The following ALK variants were observed in gnomAD, a reference collection of about 807,000 sequenced individuals.
The protein encoded by ALK is ALK tyrosine kinase receptor.
In ALK, 74 loss-of-function variants were observed where a neutral mutation model predicts 163.1. The ratio of observed to expected loss-of-function variants is 0.45; its 90% CI spans 0.38 to 0.55. The LOEUF is 0.55. Ranked by LOEUF, ALK falls within the 20% of genes least tolerant of loss-of-function variation. The probability of loss-of-function intolerance (pLI) is 0.00; values close to 1 mark genes in which losing one functional copy is unlikely to be tolerated. For synonymous variants in ALK, 960 were observed against 843.2 expected (o/e 1.14, Z -2.40); for missense variants, 2,063 against 2,105.3 (o/e 0.98, Z 0.39).
At chr2:29,657,786 G>A (rs112916152) in intron 3 of ALK, among the ~76,000 whole-genome samples, 22 of 152,246 alleles carry the variant, frequency 1.4e-4, no homozygotes, top group African/African-American at 3.9e-4. Context: ...CTCCAGCTAC[G>A]ATGGGGCTGT....
chr2:29,830,712 TTAAAAAAAAAAAAAAAAAAAAAAAA>T lies in ALK; in HGVS notation c.667+89256_667+89280del, dbSNP rs1473546295. Among the ~76,000 whole-genome samples, 69 of 63,520 alleles carry T rather than the reference TTAAAAAAAAAAAAAAAAAAAAAAAA, an allele frequency of 1.1e-3. 3 individuals are homozygous for T. The highest frequency in any genetic ancestry group is 4.5e-4 in the Admixed American group (2 of 4,414). The allele number at this position is 63,520 out of a possible 152,430, so 41.7% of individuals were successfully genotyped here. On this transcript the variant is annotated intron_variant, in intron 1 of 28. Coordinates refer to ENST00000389048, the MANE Select transcript of ALK (RefSeq NM_004304.5). ...AGCAAGACCCTGTCTCTAAAATAGT[TTAAAAAAAAAAAAAAAAAAAAAAAA>T]AAAAAAAAAAAAAAAACTTAGCCAA...
intron 4 of ALK, among the ~76,000 whole-genome samples, chr2:29,507,831 T>A (rs1672377478): frequency 6.6e-6 from 1 of 152,076 alleles, no homozygotes; most frequent in Admixed American, 6.5e-5. Flanking sequence ...ATGATGTCAA[T>A]GAGTTGATGT....
intron 1 of ALK, among the ~76,000 whole-genome samples, chr2:29,722,141 T>C (rs868460822): frequency 2.0e-5 from 3 of 152,246 alleles, no homozygotes; most frequent in Non-Finnish European, 2.9e-5. Flanking sequence ...TCCTCTTTAT[T>C]CTTCTTTGCC....
At chr2:29,284,832 C>T (rs1665808726) in intron 9 of ALK, among the ~76,000 whole-genome samples, 1 of 152,184 alleles carries the variant, frequency 6.6e-6, no homozygotes, top group African/African-American at 2.4e-5. Flanking sequence ...TGCCTGGTTG[C>T]ACATCGTGTG....
At chr2:29,743,507 GA>G (rs2148326369) in intron 1 of ALK, among the ~76,000 whole-genome samples, 1 of 152,324 alleles carries the variant, frequency 6.6e-6, no homozygotes, top group Non-Finnish European at 1.5e-5. Flanking sequence ...ATGAGAACAA[GA>G]ATCCATGGAA....
intron 5 of ALK, among the ~76,000 whole-genome samples, chr2:29,354,246 T>G (rs1366738766): frequency 6.6e-6 from 1 of 152,220 alleles, no homozygotes; most frequent in Non-Finnish European, 1.5e-5. Flanking sequence ...GTCTTCCCTG[T>G]CTTAGGTGGC....
intron 4 of ALK, among the ~76,000 whole-genome samples, chr2:29,399,452 G>A (rs1367830187): frequency 6.6e-6 from 1 of 152,198 alleles, no homozygotes; most frequent in Non-Finnish European, 1.5e-5. Flanking sequence ...GCCACCCTGG[G>A]CAAAAGGCAC....
chr2:29,756,802 C>G (rs150223899), intron 1 of ALK, among the ~76,000 whole-genome samples: 1,592 of 152,306 alleles, frequency 0.01, 17 homozygotes, highest in South Asian at 0.05. Flanking sequence ...GCTGGGATTA[C>G]AGGCATGAGC....
intron 5 of ALK, among the ~76,000 whole-genome samples, chr2:29,360,372 T>C (rs574576773): frequency 1.3e-5 from 2 of 152,202 alleles, no homozygotes; most frequent in African/African-American, 2.4e-5. Context: ...TGTCCTGCCC[T>C]TGGTCAGCTA....
At chr2:29,492,564 A>C (rs1052417521) in intron 4 of ALK, among the ~76,000 whole-genome samples, 2 of 152,228 alleles carry the variant, frequency 1.3e-5, no homozygotes, top group Non-Finnish European at 2.9e-5. Flanking sequence ...CTGTTTCTGC[A>C]CACGGTCAGT....
chr2:29,884,755 A>C (rs1255670202), intron 1 of ALK, among the ~76,000 whole-genome samples: 1 of 152,244 alleles, frequency 6.6e-6, no homozygotes, highest in Non-Finnish European at 1.5e-5. Context: ...AAATGTCAAG[A>C]TAACAGGGAA....
At chr2:29,595,069 A>T (rs1294930420) in intron 3 of ALK, among the ~76,000 whole-genome samples, 1 of 152,190 alleles carries the variant, frequency 6.6e-6, no homozygotes, top group East Asian at 1.9e-4. Flanking sequence ...GAAAAGTGAA[A>T]ATCAATCCTC....
chr2:29,499,426 C>A (rs1169925897), intron 4 of ALK, among the ~76,000 whole-genome samples: 1 of 152,136 alleles, frequency 6.6e-6, no homozygotes, highest in Non-Finnish European at 1.5e-5. Context: ...GAACCCCTGG[C>A]CTCAAGTGAT....
intron 3 of ALK, among the ~76,000 whole-genome samples, chr2:29,637,112 T>C (rs1185068895): frequency 6.6e-6 from 1 of 152,164 alleles, no homozygotes; most frequent in Non-Finnish European, 1.5e-5. Flanking sequence ...AATGAAGACA[T>C]GTTCACACAA....
intron 11 of ALK, among the ~76,000 whole-genome samples, chr2:29,253,298 A>C (rs1664870073): frequency 6.6e-6 from 1 of 152,174 alleles, no homozygotes; most frequent in South Asian, 2.1e-4. Context: ...ACGTCACCAC[A>C]CGAGGGGTGA....
At chr2:29,639,754 A>C (rs1257257961) in intron 3 of ALK, among the ~76,000 whole-genome samples, 9 of 152,180 alleles carry the variant, frequency 5.9e-5, no homozygotes, top group Non-Finnish European at 1.3e-4. Flanking sequence ...TTTTTCAAGG[A>C]AGCAAAGGTC....
chr2:29,656,289 CTGAA>C (rs1159821829), intron 3 of ALK, among the ~76,000 whole-genome samples: 1 of 152,062 alleles, frequency 6.6e-6, no homozygotes. Context: ...GAGGGACTGA[CTGAA>C]TGATATGTAA....
At chr2:29,878,618 T>C (rs1474214557) in intron 1 of ALK, among the ~76,000 whole-genome samples, 1 of 152,192 alleles carries the variant, frequency 6.6e-6, no homozygotes, top group Non-Finnish European at 1.5e-5. Context: ...TCGAGGTCAC[T>C]ATTGGGGCTT....
intron 3 of ALK, among the ~76,000 whole-genome samples, chr2:29,617,874 CAG>C (rs1442899321): frequency 1.3e-5 from 2 of 152,208 alleles, no homozygotes; most frequent in African/African-American, 4.8e-5. Context: ...CAGGGATCAA[CAG>C]ACAGTGAAAT....
Sources: allele counts gnomAD v4.1 joint callset (sites outside exome capture counted in the v4.1 genomes callset), GRCh38; gene constraint gnomAD v4.1.1; transcripts MANE v1.5; gene names NCBI Gene and HGNC (gene_info 2026-07-23, HGNC 2026-07-21).